Variants in NREP observed in about 807,000 individuals in gnomAD.
NREP encodes neuronal regeneration-related protein.
In NREP, 5 loss-of-function variants were observed where a neutral mutation model predicts 8.6. The ratio of observed to expected loss-of-function variants is 0.58; its 90% CI spans 0.30 to 1.22. The LOEUF (loss-of-function observed/expected upper bound fraction) is 1.22, where lower values mean the gene tolerates loss of function less well. Among genes scored for constraint, NREP ranks in the 50% most tolerant of loss-of-function variants. The pLI is 0.07. For synonymous variants in NREP, 27 were observed against 28.0 expected (o/e 0.96, Z 0.11); for missense variants, 86 against 82.5 (o/e 1.04, Z -0.17).
chr5:111,861,019 CAAAG>C (rs1240026367), intron 2 of NREP, among the ~76,000 whole-genome samples: 1 of 151,924 alleles, frequency 6.6e-6, no homozygotes, highest in Admixed American at 6.6e-5. Flanking sequence ...ATTGTAAAAA[CAAAG>C]AAAAACCAAA....
At chr5:111,881,356 C>T (rs1379578171) in intron 2 of NREP, among the ~76,000 whole-genome samples, 1 of 152,192 alleles carries the variant, frequency 6.6e-6, no homozygotes, top group Non-Finnish European at 1.5e-5. Context: ...CACCACAGCT[C>T]AAGGAGGCCT....
At chr5:111,864,911 C>G (rs1391892855) in intron 2 of NREP, among the ~76,000 whole-genome samples, 1 of 152,020 alleles carries the variant, frequency 6.6e-6, no homozygotes, top group Non-Finnish European at 1.5e-5. Context: ...CTTTTAAAAG[C>G]CTAGTGTAGG....
intron 2 of NREP, among the ~76,000 whole-genome samples, chr5:111,878,744 C>G (rs1358414915): frequency 6.6e-6 from 1 of 152,110 alleles, no homozygotes; most frequent in Non-Finnish European, 1.5e-5. Context: ...TGTCCCCCAC[C>G]CCCCTGCCAC....
chr5:111,845,502 A>G (rs1192322828), intron 2 of NREP, among the ~76,000 whole-genome samples: 2 of 152,172 alleles, frequency 1.3e-5, no homozygotes, highest in African/African-American at 4.8e-5. Context: ...GAGAATTCAC[A>G]CACAGACATT....
chr5:111,861,295 T>A (rs1753537605), intron 2 of NREP, among the ~76,000 whole-genome samples: 1 of 152,114 alleles, frequency 6.6e-6, no homozygotes, highest in African/African-American at 2.4e-5. Flanking sequence ...TGCCCAGGTC[T>A]TTGCCCCCAA....
rs557761866 is a variant in NREP, at chr5:111,920,196, A to C, written c.135+55078T>G. On this transcript the variant is annotated intron_variant, in intron 2 of 3. Coordinates refer to the NREP transcript ENST00000395634. The stretch of plus-strand genomic sequence containing the variant: ...TTGCCTTTCCCTGGTGCCTGCAATC[A>C]ATTATCACTTTAGTGTGACAACTTT... Among the ~76,000 whole-genome samples, 5 of 152,236 alleles carry C rather than the reference A, an allele frequency of 3.3e-5. No individual in the cohort carries two copies. The South Asian group carries it at 8.3e-4, about 25-fold the overall frequency.
At chr5:111,852,003 C>A (rs1376530483) in intron 2 of NREP, among the ~76,000 whole-genome samples, 1 of 152,118 alleles carries the variant, frequency 6.6e-6, no homozygotes, top group Non-Finnish European at 1.5e-5. Context: ...ACTTACCCCC[C>A]ATTGTGGTAG....
intron 2 of NREP, among the ~76,000 whole-genome samples, chr5:111,773,759 A>G (rs1184118402): frequency 1.3e-5 from 2 of 152,206 alleles, no homozygotes; most frequent in Admixed American, 1.3e-4. Context: ...CCTTCTACAG[A>G]GTGCCTAATA....
chr5:111,920,529 T>C (rs1178694810), intron 2 of NREP, among the ~76,000 whole-genome samples: 1 of 152,030 alleles, frequency 6.6e-6, no homozygotes, highest in Non-Finnish European at 1.5e-5. Flanking sequence ...ACTCCAAAGA[T>C]GAGGTTAGAG....
rs1756219774 is a variant in NREP, at chr5:111,953,389, G to A, written c.135+21885C>T. Among the ~76,000 whole-genome samples, 4 of 152,206 alleles carry A rather than the reference G, an allele frequency of 2.6e-5. No homozygotes were observed. The South Asian group carries it at 8.3e-4, about 32-fold the overall frequency. On this transcript the variant is annotated intron_variant, in intron 2 of 3. Transcript: ENST00000395634. ...TATGCCTGGGTTTAGAACCCTCTGA[G>A]GCTATAACTTTTTTTCCCAAAGACT...
At chr5:111,781,914 T>TCTA (rs112614549) in intron 2 of NREP, among the ~76,000 whole-genome samples, 2,550 of 152,276 alleles carry the variant, frequency 0.017, 80 homozygotes, top group African/African-American at 0.059. Context: ...CTTGACACAC[T>TCTA]GATTCAGCTA....
At chr5:111,907,321 T>G (rs1312058796) in intron 2 of NREP, among the ~76,000 whole-genome samples, 1 of 151,916 alleles carries the variant, frequency 6.6e-6, no homozygotes, top group Non-Finnish European at 1.5e-5. Flanking sequence ...AGTTTAATAT[T>G]TTACTTTGGT....
chr5:111,874,167 T>C (rs1323754673), intron 2 of NREP, among the ~76,000 whole-genome samples: 3 of 151,578 alleles, frequency 2.0e-5, no homozygotes, highest in Non-Finnish European at 4.4e-5. Context: ...ATAGGACATG[T>C]TCATTTTCAT....
intron 2 of NREP, among the ~76,000 whole-genome samples, chr5:111,829,916 C>G (rs575540992): frequency 6.6e-6 from 1 of 152,218 alleles, no homozygotes; most frequent in African/African-American, 2.4e-5. Flanking sequence ...CCAGCTCTTA[C>G]AGCCCTGGAC....
chr5:111,885,347 C>T (rs1258315225), intron 2 of NREP, among the ~76,000 whole-genome samples: 1 of 151,866 alleles, frequency 6.6e-6, no homozygotes. Context: ...AATGGAAGAA[C>T]ATTCCATGCT....
chr5:111,815,685 G>A (rs1561677881), intron 2 of NREP, among the ~76,000 whole-genome samples: 1 of 151,964 alleles, frequency 6.6e-6, no homozygotes, highest in African/African-American at 2.4e-5. Flanking sequence ...CATGGAAGAT[G>A]GATCAGTAAA....
intron 2 of NREP, among the ~76,000 whole-genome samples, chr5:111,751,411 A>G (rs1464198634): frequency 6.6e-6 from 1 of 152,178 alleles, no homozygotes; most frequent in Non-Finnish European, 1.5e-5. Context: ...AACCATTGAA[A>G]TGAACTATTC....
At chr5:111,957,368 T>A (rs898586889) in intron 2 of NREP, among the ~76,000 whole-genome samples, 5 of 152,036 alleles carry the variant, frequency 3.3e-5, no homozygotes, top group Non-Finnish European at 7.4e-5. Context: ...AAAATCTCAA[T>A]GGAGAGTCAA....
At chr5:111,898,755 A>C (rs1754573208) in intron 2 of NREP, among the ~76,000 whole-genome samples, 1 of 152,220 alleles carries the variant, frequency 6.6e-6, no homozygotes, top group Admixed American at 6.5e-5. Flanking sequence ...ATTCCTAAAC[A>C]GATTCAGCCC....
Sources: allele counts gnomAD v4.1 joint callset (sites outside exome capture counted in the v4.1 genomes callset), GRCh38; gene constraint gnomAD v4.1.1; transcripts MANE v1.5; gene names NCBI Gene and HGNC (gene_info 2026-07-23, HGNC 2026-07-21).